The following PRKACA variants were observed in gnomAD, a reference collection of about 807,000 sequenced individuals.
PRKACA encodes the protein cAMP-dependent protein kinase catalytic subunit alpha.
A neutral mutation model predicts 45.8 loss-of-function variants in PRKACA; 9 were observed. That is an observed-to-expected ratio of 0.20 (90% confidence interval 0.12 to 0.34). PRKACA has a LOEUF of 0.34. Among genes scored for constraint, PRKACA ranks in the 10% least tolerant of loss-of-function variants. PRKACA has a pLI of 1.00. For synonymous variants in PRKACA, 160 were observed against 178.6 expected (o/e 0.90, Z 0.83); for missense variants, 238 against 458.6 (o/e 0.52, Z 4.39).
At chr19:14,094,102 G>A (rs1032654694) in intron 8 of PRKACA, among the ~76,000 whole-genome samples, 26 of 146,850 alleles carry the variant, frequency 1.8e-4, no homozygotes, top group African/African-American at 4.8e-4. Context: ...AGGCTCAAGC[G>A]ATCCTCCTGC....
intron 4 of PRKACA, chr19:14,101,257 G>A (rs1977433247): frequency 4.1e-6 from 1 of 245,976 alleles, no homozygotes; most frequent in Non-Finnish European, 8.2e-6. Flanking sequence ...TAAAAAAGAT[G>A]GCCCCTGGTT....
chr19:14,108,042 A>G, intron 1 of PRKACA: 1 of 985,836 alleles, frequency 1.0e-6, no homozygotes, highest in South Asian at 4.7e-5. Flanking sequence ...TGCTGTCTAC[A>G]CTGTCTCATC....
chr19:14,100,379 C>T (rs1295512223), intron 5 of PRKACA, among the ~76,000 whole-genome samples: 2 of 152,020 alleles, frequency 1.3e-5, no homozygotes, highest in African/African-American at 4.8e-5. Context: ...CTCACTGCAA[C>T]CTCTGTCTCC....
intron 2 of PRKACA, 123 bp from the exon 3 acceptor site, chr19:14,107,011 G>C: frequency 7.8e-7 from 1 of 1,286,148 alleles, no homozygotes; most frequent in Admixed American, 2.4e-5. Context: ...GGTCAGCGGG[G>C]TGAGGACAGG....
intron 1 of PRKACA, among the ~76,000 whole-genome samples, chr19:14,115,603 A>G (rs963151869): frequency 6.6e-6 from 1 of 152,164 alleles, no homozygotes; most frequent in African/African-American, 2.4e-5. Context: ...TGCCCAATAA[A>G]TAGTAGCTCT....
intron 1 of PRKACA, chr19:14,113,984 C>T: frequency 4.7e-6 from 4 of 859,686 alleles, no homozygotes; most frequent in East Asian, 2.7e-5. Flanking sequence ...CCGCACAGCC[C>T]GGGGCTGTAC....
rs1358743287 is a variant in PRKACA at position 14,100,808 on chromosome 19, G to C, written c.419+18C>G. ...GGACACCCTGACAGCCTGATGTGAT[G>C]GGGGGTGGCCCGCTTACCTGAACCT... On this transcript the variant is annotated intron_variant, in intron 5 of 9. Transcript: ENST00000308677. The C allele has an allele frequency of 2.5e-6, 4 of 1,611,616 alleles. No homozygotes were observed. Among genetic ancestry groups the C allele is most frequent in the Admixed American group, 1.7e-5 (1 of 59,966 alleles).
chr19:14,116,994 G>A (rs1967120724), intron 1 of PRKACA, among the ~76,000 whole-genome samples: 1 of 150,664 alleles, frequency 6.6e-6, no homozygotes, highest in Admixed American at 6.6e-5. Flanking sequence ...AAGAGGGAAA[G>A]GGCAGGAGAA....
Position 14,097,983 on chromosome 19 carries a change from C to T in PRKACA, c.420-93G>A. ...GCAGAGCCTACCCCAGAGGAAGACA[C>T]CTCCAGTCCAGCCGTCAGAAACGCA... On this transcript the variant is annotated intron_variant, in intron 5 of 9. Coordinates refer to ENST00000308677, the MANE Select transcript of PRKACA (RefSeq NM_002730.4). This position sits in a 1 kb window ranked among gnomAD's most constrained non-coding sequence, Gnocchi z 5.4. 3.3e-6 allele frequency: 5 copies of T among 1,510,404 alleles called. No individual in the cohort carries two copies. Among genetic ancestry groups the T allele is most frequent in the Non-Finnish European group, 4.5e-6 (5 of 1,107,622 alleles). The allele number at this position is 1,510,404 out of a possible 1,614,324, so 93.6% of individuals were successfully genotyped here. A position where few individuals can be genotyped will look rare whatever the true frequency, so the allele number is the denominator to read the frequency against.
At chr19:14,100,742 C>T in intron 5 of PRKACA, 84 bp downstream of exon 5, 1 of 1,379,158 alleles carries the variant, frequency 7.3e-7, no homozygotes, top group Non-Finnish European at 1.0e-6. Context: ...TGCTGGACTC[C>T]TCTGCATTCC....
In PRKACA at chr19:14,097,882, T is replaced by C; in HGVS notation, c.428A>G (p.His143Arg). Residue 143 changes from histidine to arginine, a missense_variant, in exon 6 of 10, where the codon CAT (histidine) becomes CGT (arginine). Around this residue, in one of 3 missense-constraint regions of PRKACA, gnomAD observed 94 missense variants for 240.9 expected, o/e 0.39. Coordinates refer to ENST00000308677, the MANE Select transcript of PRKACA (RefSeq NM_002730.4). This position sits in a 1 kb window ranked among gnomAD's most constrained non-coding sequence, Gnocchi z 5.4. Reference sequence around the variant, plus strand: ...GATCTGGGCCGCGTAGAAACGGGCATGGGGCTCACTGATGGGGACAAATGG... The same window carrying C: ...GATCTGGGCCGCGTAGAAACGGGCACGGGGCTCACTGATGGGGACAAATGG... ...LRRIGRFSEP[H>R]ARFYAAQIVL... 1.2e-6 allele frequency: 2 copies of C among 1,614,130 alleles called. No homozygotes were observed. The highest frequency in any genetic ancestry group is 1.7e-6 in the Non-Finnish European group (2 of 1,180,020).
intron 1 of PRKACA, chr19:14,108,047 C>T (rs975549742): frequency 5.1e-6 from 5 of 985,570 alleles, no homozygotes; most frequent in Non-Finnish European, 6.0e-6. Context: ...TCTACACTGT[C>T]TCATCTGACT....
intron 3 of PRKACA, among the ~76,000 whole-genome samples, chr19:14,104,799 G>A (rs550305013): frequency 7.2e-5 from 11 of 152,124 alleles, no homozygotes; most frequent in Admixed American, 1.3e-4. Flanking sequence ...CTTGAAACCC[G>A]GAGGCAGAGG....
rs1190970609 is a variant in PRKACA at position 14,097,601 on chromosome 19, G to T, written c.620C>A (p.Ala207Asp). The T allele has an allele frequency of 6.2e-7, 1 of 1,613,236 alleles. No homozygotes were observed. The highest frequency in any genetic ancestry group is 8.5e-7 in the Non-Finnish European group (1 of 1,179,594). The change falls in exon 7 of 10, where the codon GCC becomes GAC. Residue 207 changes from alanine to aspartate, a missense_variant. Physicochemically the swap from Ala to Asp is moderately radical, Grantham distance 126 (BLOSUM62 -2). Transcript: ENST00000308677. This position sits in a 1 kb window ranked among gnomAD's most constrained non-coding sequence, Gnocchi z 5.4. ...TACTTTGCTCAGGATAATCTCAGGG[G>T]CCAGGTACTCAGGGGTGCCGCACAA... ...WTLCGTPEYL[A>D]PEIILSKGYN...
At chr19:14,106,664 A>G in intron 3 of PRKACA, 96 bp downstream of exon 3, 2 of 1,522,352 alleles carry the variant, frequency 1.3e-6, no homozygotes, top group South Asian at 2.4e-5. Context: ...AAAAAAAAGC[A>G]AGTGAGTGAA....
intron 5 of PRKACA, among the ~76,000 whole-genome samples, chr19:14,100,369 C>G (rs529517248): frequency 6.6e-6 from 1 of 152,142 alleles, no homozygotes; most frequent in African/African-American, 2.4e-5. Context: ...GTGATCTTGG[C>G]TCACTGCAAC....
chr19:14,111,716 G>A (rs1019568412), intron 1 of PRKACA, among the ~76,000 whole-genome samples: 30 of 152,114 alleles, frequency 2.0e-4, no homozygotes, highest in Admixed American at 1.5e-3. Context: ...CTGGGATTAC[G>A]GGCATGAGCC....
intron 3 of PRKACA, 60 bp downstream of exon 3, chr19:14,106,700 T>C (rs539836739): frequency 3.1e-6 from 5 of 1,607,130 alleles, no homozygotes; most frequent in South Asian, 1.1e-5. Flanking sequence ...CTCTAAGGAG[T>C]GGGCACAGTC....
chr19:14,108,205 G>A (rs1471643144), intron 1 of PRKACA: 2 of 961,690 alleles, frequency 2.1e-6, no homozygotes, highest in African/African-American at 3.5e-5. Context: ...TCAGAGCCCA[G>A]CCTGGTCTCT....
Sources: gnomAD v4.1 joint callset for allele counts (sites outside exome capture counted in the v4.1 genomes callset) on GRCh38, gnomAD v4.1.1 for gene constraint, gnomAD v4.1.1 regional missense constraint, Gnocchi (gnomAD v3.1) non-coding constraint, MANE v1.5 for transcripts, NCBI Gene and HGNC (gene_info 2026-07-23, HGNC 2026-07-21) for gene names.